The following ANKRD42 variants were observed in gnomAD, a reference collection of about 807,000 sequenced individuals.
ANKRD42 encodes ankyrin repeat domain-containing protein 42.
ANKRD42 carries 43 observed loss-of-function variants against 51.5 expected under a neutral mutation model. That is an observed-to-expected ratio of 0.83 (90% CI 0.65 to 1.08). ANKRD42 has a LOEUF of 1.08. ANKRD42 is among the 50% of genes least tolerant of loss of function. ANKRD42 has a pLI of 0.00. For synonymous variants in ANKRD42, 203 were observed against 213.0 expected (o/e 0.95, Z 0.41); for missense variants, 608 against 629.3 (o/e 0.97, Z 0.36).
At chr11:83,195,765 A>G (rs1861622519) in intron 1 of ANKRD42, among the ~76,000 whole-genome samples, 2 of 150,182 alleles carry the variant, frequency 1.3e-5, no homozygotes, top group South Asian at 4.2e-4. Flanking sequence ...TTCTTTTCCC[A>G]GTGTTCAGAG....
At position 83,211,423 on chromosome 11, in the gene ANKRD42, C is replaced by A; in HGVS notation, c.579C>A (p.Asn193Lys). The A allele has an allele frequency of 6.2e-7, 1 of 1,613,576 alleles. No individual in the cohort carries two copies. The highest frequency in any genetic ancestry group is 8.5e-7 in the Non-Finnish European group (1 of 1,179,870). Residue 193 changes from asparagine to lysine, a missense_variant, in exon 5 of 11, where the codon AAC becomes AAA. Asn to Lys is a moderately conservative substitution (Grantham distance 94). Coordinates refer to ENST00000533342, the MANE Select transcript of ANKRD42 (RefSeq NM_001300975.2). ...CSIEDVDYNG[N>K]LPVHLAAMEG... ...TAGAAGATGTGGACTACAATGGAAA[C>A]CTTCCAGGTATTTTAAATAAAGCAA...
chr11:83,247,359 G>A (rs758000158), intron 10 of ANKRD42, among the ~76,000 whole-genome samples: 10 of 151,996 alleles, frequency 6.6e-5, no homozygotes, highest in African/African-American at 1.2e-4. Context: ...GTGAGCCACC[G>A]CGCCTGGCCT....
At chr11:83,260,386 TATTA>T (rs763540323), downstream of ANKRD42, 4 of 152,218 alleles carry the variant, frequency 2.6e-5, no homozygotes, top group Non-Finnish European at 4.4e-5. Flanking sequence ...TATGGTAACT[TATTA>T]ATTGACTCAG....
At chr11:83,254,183 A>C (rs1216199713) in intron 11 of ANKRD42, among the ~76,000 whole-genome samples, 1 of 151,890 alleles carries the variant, frequency 6.6e-6, no homozygotes, top group Non-Finnish European at 1.5e-5. Flanking sequence ...ATTGTTGTCC[A>C]GGTTGGTCTC....
rs1256436822 is a variant in ANKRD42 at position 83,254,430 on chromosome 11, CTTTTCTTT to C, written c.1465-1410_1465-1403del. Among the ~76,000 whole-genome samples the C allele has an allele frequency of 3.1e-3, 399 of 130,432 alleles. 4 individuals carry two copies. The highest frequency in any genetic ancestry group is 0.011 in the African/African-American group (379 of 33,652). The allele number at this position is 130,432 out of a possible 152,430, so 85.6% of individuals were successfully genotyped here. A position where few individuals can be genotyped will look rare whatever the true frequency, so the allele number is the denominator to read the frequency against. ...CCCCACCTGAGTGTTTTTCTTTTTT[CTTTTCTTT>C]TTTTTTTTTTTGAGACAGGGTCTTG... On this transcript the variant is annotated intron_variant, in intron 11 of 11. Transcript: ENST00000260047.
rs1565198644 is a variant in ANKRD42 at position 83,248,213 on chromosome 11, A to G, written c.*9A>G. ...GCTATAGTCTTTTTTGATTTGGGCT[A>G]CTCATTTAACCTTTTTGTGCCTCAA... On this transcript the variant is annotated 3_prime_UTR_variant, in exon 11 of 11. Transcript: ENST00000533342. 6.7e-7 allele frequency: 1 copy of G among 1,482,484 alleles called. No individual in the cohort carries two copies. Among genetic ancestry groups the G allele is most frequent in the Non-Finnish European group, 8.9e-7 (1 of 1,118,452 alleles). The allele number at this position is 1,482,484 out of a possible 1,614,324, so 91.8% of individuals were successfully genotyped here. A position where few individuals can be genotyped will look rare whatever the true frequency, so the allele number is the denominator to read the frequency against.
At chr11:83,209,727 G>T in intron 3 of ANKRD42, 1 of 683,394 alleles carries the variant, frequency 1.5e-6, no homozygotes, top group Admixed American at 2.2e-5. Flanking sequence ...TTGCCTTCTT[G>T]TTTCTCACTT....
chr11:83,221,964 G>T (rs1321871139), intron 5 of ANKRD42, among the ~76,000 whole-genome samples: 1 of 152,196 alleles, frequency 6.6e-6, no homozygotes, highest in Non-Finnish European at 1.5e-5. Context: ...AGCCCAAGAT[G>T]ATAGGGAAGC....
At chr11:83,213,670 GT>G (rs953992655) in intron 5 of ANKRD42, 32 of 649,220 alleles carry the variant, frequency 4.9e-5, no homozygotes, top group Non-Finnish European at 6.3e-5. Flanking sequence ...AGGCTATTTG[GT>G]TTTTTTGTGT....
Position 83,248,731 on chromosome 11 carries a change from C to T in ANKRD42, c.*527C>T, listed in dbSNP as rs1863616221. On this transcript the variant is annotated 3_prime_UTR_variant, in exon 11 of 11. Coordinates refer to ENST00000533342, the MANE Select transcript of ANKRD42 (RefSeq NM_001300975.2). ...CTTTAAAAATATTAAAATAATAAAA[C>T]ATGTTTGTTGTATAGTGTTAAAAAC... The T allele has an allele frequency of 1.0e-6, 1 of 975,996 alleles. No homozygotes were observed. The highest frequency in any genetic ancestry group is 1.2e-6 in the Non-Finnish European group (1 of 821,416). The allele number at this position is 975,996 out of a possible 1,614,324, so 60.5% of individuals were successfully genotyped here.
Position 83,241,086 on chromosome 11 carries a change from G to A in ANKRD42, c.1195+152G>A. 4 of 886,140 alleles carry A rather than the reference G, an allele frequency of 4.5e-6. No homozygotes were observed. In the South Asian group the frequency reaches 8.0e-5, roughly 18 times the overall value. The allele number at this position is 886,140 out of a possible 1,614,324, so 54.9% of individuals were successfully genotyped here. A position where few individuals can be genotyped will look rare whatever the true frequency, so the allele number is the denominator to read the frequency against. On this transcript the variant is annotated intron_variant, in intron 9 of 10. Coordinates refer to ENST00000533342, the MANE Select transcript of ANKRD42 (RefSeq NM_001300975.2). ...GGAACTAGAACTAATATAAGTTTTT[G>A]TACTAGGGTTGTTGAACATATAAAA...
At chr11:83,208,472 G>C (rs1369572093) in intron 3 of ANKRD42, among the ~76,000 whole-genome samples, 1 of 152,122 alleles carries the variant, frequency 6.6e-6, no homozygotes, top group Non-Finnish European at 1.5e-5. Context: ...CAGTATTTCA[G>C]GGAATTATTC....
At chr11:83,199,340 T>A (rs916438385) in intron 2 of ANKRD42, among the ~76,000 whole-genome samples, 1 of 152,224 alleles carries the variant, frequency 6.6e-6, no homozygotes, top group Non-Finnish European at 1.5e-5. Flanking sequence ...TATGATTATA[T>A]CATTATTTTG....
intron 9 of ANKRD42, among the ~76,000 whole-genome samples, chr11:83,243,647 T>TTATG (rs1157735712): frequency 1.4e-4 from 22 of 152,074 alleles, no homozygotes; most frequent in Non-Finnish European, 8.8e-5. Context: ...GGAGACATTT[T>TTATG]TATGTATGTA....
intron 7 of ANKRD42, among the ~76,000 whole-genome samples, chr11:83,230,989 T>C (rs188473728): frequency 7.2e-5 from 11 of 152,338 alleles, no homozygotes. Context: ...TTCCACATCT[T>C]AGCTATTGTG....
intron 7 of ANKRD42, 88 bp from the exon 8 acceptor site, chr11:83,236,315 TA>T: frequency 1.0e-6 from 1 of 968,164 alleles, no homozygotes; most frequent in Non-Finnish European, 1.6e-6. Context: ...AAGTACTCTA[TA>T]ATGGTACTGT....
downstream of ANKRD42, among the ~76,000 whole-genome samples, chr11:83,253,851 G>T (rs965657532): frequency 1.3e-5 from 2 of 152,186 alleles, no homozygotes; most frequent in Admixed American, 6.5e-5. Context: ...TTTTGAAGTT[G>T]TATTTTAAGA....
At chr11:83,223,373 C>A (rs146312596) in intron 5 of ANKRD42, among the ~76,000 whole-genome samples, 10 of 152,250 alleles carry the variant, frequency 6.6e-5, no homozygotes, top group African/African-American at 2.4e-4. Context: ...ATTCAGGCTA[C>A]TATTTCGGTT....
chr11:83,213,439 C>G, intron 5 of ANKRD42: 6 of 1,460,610 alleles, frequency 4.1e-6, no homozygotes, highest in Non-Finnish European at 5.4e-6. Flanking sequence ...TTAAATAAAA[C>G]TGTAAAAACT....
Sources: allele counts gnomAD v4.1 joint callset (sites outside exome capture counted in the v4.1 genomes callset), GRCh38; gene constraint gnomAD v4.1.1; transcripts MANE v1.5; gene names NCBI Gene and HGNC (gene_info 2026-07-23, HGNC 2026-07-21).